The following POU2F1 variants were observed in gnomAD, a reference collection of about 807,000 sequenced individuals.
The protein encoded by POU2F1 is POU domain, class 2, transcription factor 1.
POU2F1 carries 16 observed loss-of-function variants against 84.9 expected under a neutral mutation model. The observed-to-expected ratio is 0.19, with a 90% confidence interval of 0.13 to 0.29. POU2F1 has a LOEUF of 0.29. Among genes scored for constraint, POU2F1 ranks in the 10% least tolerant of loss-of-function variants. The pLI, the probability that POU2F1 is intolerant of heterozygous loss-of-function variation, is 1.00. For synonymous variants in POU2F1, 368 were observed against 368.3 expected (o/e 1.00, Z 0.01); for missense variants, 738 against 942.6 (o/e 0.78, Z 2.84).
At position 167,419,252 on chromosome 1, in the gene POU2F1, A is replaced by G. The variant is rs1022074937; in HGVS notation, c.*3442A>G. 6.6e-6 allele frequency: 1 copy of G among 152,200 alleles called. No homozygotes were observed. Among genetic ancestry groups the G allele is most frequent in the African/African-American group, 2.4e-5 (1 of 41,442 alleles). 9.4% of individuals were successfully genotyped at this position (152,200 alleles called of 1,614,324 possible). A position where few individuals can be genotyped will look rare whatever the true frequency, so the allele number is the denominator to read the frequency against. On this transcript the variant is annotated 3_prime_UTR_variant, in exon 16 of 16. Transcript: ENST00000367866. ...GGACCAGGGACCATTTGACCAAAAG[A>G]GGTGTTTGGTGGAGTTTCTGCATTT... is the stretch of plus-strand genomic sequence containing the variant.
At position 167,380,064 on chromosome 1, in the gene POU2F1, A is replaced by G. The variant is rs534002002; in HGVS notation, c.719-3793A>G. 2.6e-5 allele frequency: 4 copies of G among 152,302 alleles called. No homozygotes were observed. The South Asian group carries it at 6.2e-4, about 24-fold the overall frequency. 9.4% of individuals were successfully genotyped at this position (152,302 alleles called of 1,614,324 possible). ...CCTTTTTATCTTCCCCTTCACTTACATGGGTGAATTACAAAAAAAGTTTTA... is the reference window on the plus strand; with the variant it reads ...CCTTTTTATCTTCCCCTTCACTTACGTGGGTGAATTACAAAAAAAGTTTTA... On this transcript the variant is annotated intron_variant, in intron 7 of 15. Coordinates refer to ENST00000367866, the MANE Select transcript of POU2F1 (RefSeq NM_002697.4).
At chr1:167,413,514 G>C (rs1650112043) in intron 15 of POU2F1, among the ~76,000 whole-genome samples, 1 of 152,148 alleles carries the variant, frequency 6.6e-6, no homozygotes, top group South Asian at 2.1e-4. Context: ...CCAGTTCCCA[G>C]CTGCACTCCT....
chr1:167,332,392 C>A (rs1459976211), intron 1 of POU2F1, 78 bp from the exon 2 acceptor site: 2 of 1,064,602 alleles, frequency 1.9e-6, no homozygotes, highest in African/African-American at 1.6e-5. Flanking sequence ...ACCCTTTTCT[C>A]TGCCACAGTT....
chr1:167,323,025 T>G (rs950542343), intron 1 of POU2F1, among the ~76,000 whole-genome samples: 19 of 152,226 alleles, frequency 1.2e-4, no homozygotes, highest in African/African-American at 4.3e-4. Context: ...AGATTTTGTT[T>G]ATGGCCATTT....
rs534428685 is a variant in POU2F1 at position 167,357,110 on chromosome 1, T to G, written c.128-8357T>G. On this transcript the variant is annotated intron_variant, in intron 2 of 15. Coordinates refer to ENST00000367866, the MANE Select transcript of POU2F1 (RefSeq NM_002697.4). Reference sequence around the variant, plus strand: ...TGAAGCCGGCTGCCAATTTATCACTTAGGCAATATGAAAACTGCCAGACCA... The same window carrying G: ...TGAAGCCGGCTGCCAATTTATCACTGAGGCAATATGAAAACTGCCAGACCA... Among the ~76,000 whole-genome samples, 34 of 152,192 alleles carry G rather than the reference T, an allele frequency of 2.2e-4. No individual in the cohort carries two copies. The South Asian group carries it at 6.6e-3, about 30-fold the overall frequency.
intron 2 of POU2F1, among the ~76,000 whole-genome samples, chr1:167,346,346 A>T (rs73022281): frequency 6.6e-6 from 1 of 152,184 alleles, no homozygotes; most frequent in Non-Finnish European, 1.5e-5. Context: ...TACACATACT[A>T]TTATTACTTA....
intron 13 of POU2F1, among the ~76,000 whole-genome samples, chr1:167,405,861 G>A (rs1015837646): frequency 2.0e-5 from 3 of 152,150 alleles, no homozygotes; most frequent in African/African-American, 7.2e-5. Flanking sequence ...ACAAGTTTCA[G>A]TAAATTAAAA....
At chr1:167,305,961 G>A (rs1263922191) in intron 1 of POU2F1, among the ~76,000 whole-genome samples, 4 of 152,176 alleles carry the variant, frequency 2.6e-5, no homozygotes, top group African/African-American at 9.7e-5. Context: ...TTTATTTTTA[G>A]TATACATAGA....
At chr1:167,242,174 CATTA>C (rs146726913) in intron 1 of POU2F1, among the ~76,000 whole-genome samples, 1,656 of 152,250 alleles carry the variant, frequency 0.011, 14 homozygotes, top group Non-Finnish European at 0.014. Context: ...TAATTGTGAA[CATTA>C]ATTATGGTTT....
Position 167,242,503 on chromosome 1 carries a change from A to T in POU2F1, c.61+21545A>T, listed in dbSNP as rs545896308. Among the ~76,000 whole-genome samples, 6 of 152,330 alleles carry T rather than the reference A, an allele frequency of 3.9e-5. No homozygotes were observed. The East Asian group carries it at 1.2e-3, about 29-fold the overall frequency. On this transcript the variant is annotated intron_variant, in intron 1 of 15. Transcript: ENST00000367866. Reference sequence around the variant, plus strand: ...ACCAGCTTTCTTACCATGGTGACGCATTGAAGCACTAAGTGTTTGAGCACA... The same window carrying T: ...ACCAGCTTTCTTACCATGGTGACGCTTTGAAGCACTAAGTGTTTGAGCACA...
intron 13 of POU2F1, among the ~76,000 whole-genome samples, chr1:167,405,204 A>G (rs1649485637): frequency 6.6e-6 from 1 of 152,146 alleles, no homozygotes; most frequent in South Asian, 2.1e-4. Context: ...TTTCCAAAAT[A>G]TTTTTCATAG....
At chr1:167,243,564 C>T (rs1223550465) in intron 1 of POU2F1, among the ~76,000 whole-genome samples, 1 of 152,212 alleles carries the variant, frequency 6.6e-6, no homozygotes, top group Non-Finnish European at 1.5e-5. Flanking sequence ...CAACCTCTGC[C>T]TCCCAGGTTC....
intron 1 of POU2F1, among the ~76,000 whole-genome samples, chr1:167,262,559 C>T (rs906827119): frequency 1.1e-4 from 17 of 152,176 alleles, no homozygotes; most frequent in Admixed American, 9.8e-4. Context: ...TGTGTACATA[C>T]GTACCCTCTT....
intron 1 of POU2F1, among the ~76,000 whole-genome samples, chr1:167,282,451 T>C (rs1279995318): frequency 1.3e-5 from 2 of 152,210 alleles, no homozygotes; most frequent in African/African-American, 4.8e-5. Context: ...GCCAAAAATT[T>C]TTAAATTTCT....
intron 8 of POU2F1, among the ~76,000 whole-genome samples, chr1:167,385,953 T>C (rs929553297): frequency 3.3e-5 from 5 of 152,136 alleles, no homozygotes; most frequent in African/African-American, 9.7e-5. Context: ...AAATTGGAGA[T>C]ACGTCACCAA....
intron 1 of POU2F1, among the ~76,000 whole-genome samples, chr1:167,299,265 TGTA>T (rs927520141): frequency 2.6e-5 from 4 of 152,022 alleles, no homozygotes; most frequent in African/African-American, 9.7e-5. Context: ...AAGTGTATCT[TGTA>T]GTATATATGA....
intron 2 of POU2F1, among the ~76,000 whole-genome samples, chr1:167,338,902 C>T (rs1657652466): frequency 6.6e-6 from 1 of 152,096 alleles, no homozygotes; most frequent in South Asian, 2.1e-4. Context: ...GTTTGAGTTC[C>T]GTTTTTCAAT....
intron 2 of POU2F1, among the ~76,000 whole-genome samples, chr1:167,353,261 AT>A (rs1027385520): frequency 1.3e-5 from 2 of 150,812 alleles, no homozygotes; most frequent in Non-Finnish European, 2.9e-5. Context: ...CTGCCTTTTG[AT>A]TACTGAAAAA....
chr1:167,294,280 C>T (rs532289395), intron 1 of POU2F1, among the ~76,000 whole-genome samples: 24 of 151,530 alleles, frequency 1.6e-4, no homozygotes, highest in East Asian at 7.7e-4. Flanking sequence ...ACCCGGGAGG[C>T]GGATCTTGCA....
Sources: gnomAD v4.1 joint callset for allele counts (sites outside exome capture counted in the v4.1 genomes callset) on GRCh38, gnomAD v4.1.1 for gene constraint, MANE v1.5 for transcripts, NCBI Gene and HGNC (gene_info 2026-07-23, HGNC 2026-07-21) for gene names.